Variants in CCDC170 observed in about 807,000 individuals in gnomAD.
The protein encoded by CCDC170 is coiled-coil domain containing 170, also known as coiled-coil domain-containing protein 170.
CCDC170 carries 69 observed loss-of-function variants against 72.6 expected under a neutral mutation model. The observed-to-expected ratio is 0.95, with a 90% CI of 0.78 to 1.16. The LOEUF (loss-of-function observed/expected upper bound fraction) is 1.16. Ranked by LOEUF, CCDC170 falls within the 50% of genes most tolerant of loss-of-function variation. CCDC170 has a pLI of 0.00. For synonymous variants in CCDC170, 300 were observed against 303.9 expected (o/e 0.99, Z 0.13); for missense variants, 852 against 832.5 (o/e 1.02, Z -0.29).
Position 151,619,212 on chromosome 6 carries a change from G to C in CCDC170, c.*1065G>C, listed in dbSNP as rs1203055087. ...TGGTAATTGTTAATGTTTCAGCAGG[G>C]CTGGTCTCAGTCCTTTAAAATGGAA... On this transcript the variant is annotated 3_prime_UTR_variant, in exon 11 of 11. Transcript: ENST00000239374. 1 of 152,028 alleles carries C rather than the reference G, an allele frequency of 6.6e-6. No homozygotes were observed. The highest frequency in any genetic ancestry group is 1.5e-5 in the Non-Finnish European group (1 of 68,002). The allele number at this position is 152,028 out of a possible 1,614,324, so 9.4% of individuals were successfully genotyped here.
chr6:151,531,252 G>C (rs919070695), intron 1 of CCDC170, among the ~76,000 whole-genome samples: 1 of 152,130 alleles, frequency 6.6e-6, no homozygotes, highest in Non-Finnish European at 1.5e-5. Flanking sequence ...GCTTAGAGCT[G>C]TACTTACACA....
At chr6:151,576,715 A>G (rs1226875816) in intron 6 of CCDC170, among the ~76,000 whole-genome samples, 1 of 152,156 alleles carries the variant, frequency 6.6e-6, no homozygotes, top group African/African-American at 2.4e-5. Context: ...TGTGTGACTC[A>G]TCTTCACGTA....
At chr6:151,607,105 A>G (rs548956499) in intron 9 of CCDC170, among the ~76,000 whole-genome samples, 2 of 152,268 alleles carry the variant, frequency 1.3e-5, no homozygotes, top group East Asian at 1.9e-4. Flanking sequence ...GTTATTACTG[A>G]TAAGTAAGAT....
At position 151,523,424 on chromosome 6, in the gene CCDC170, C is replaced by T. The variant is rs145201494; in HGVS notation, c.58-12894C>T. ...CTTGGCAGCCAGGCATGGTGGCTCA[C>T]GCCTGTAATCCCAGCATTTGGGAGG... On this transcript the variant is annotated intron_variant, in intron 1 of 10. Transcript: ENST00000239374. Among the ~76,000 whole-genome samples the T allele has an allele frequency of 2.7e-3, 415 of 152,214 alleles. 12 individuals carry two copies. The East Asian group carries it at 0.058, about 21-fold the overall frequency.
chr6:151,559,650 G>A (rs1783044460), intron 5 of CCDC170, among the ~76,000 whole-genome samples: 1 of 152,048 alleles, frequency 6.6e-6, no homozygotes, highest in Non-Finnish European at 1.5e-5. Flanking sequence ...TCTGCAAAGA[G>A]GGACAATTTA....
intron 1 of CCDC170, among the ~76,000 whole-genome samples, chr6:151,519,091 A>G (rs1782277009): frequency 6.6e-6 from 1 of 152,166 alleles, no homozygotes; most frequent in East Asian, 1.9e-4. Context: ...TCTGACCTCA[A>G]ATTCACCAGG....
At chr6:151,516,884 T>C (rs952390859) in intron 1 of CCDC170, among the ~76,000 whole-genome samples, 5 of 152,228 alleles carry the variant, frequency 3.3e-5, no homozygotes, top group African/African-American at 1.2e-4. Context: ...TTTTCCTTAC[T>C]GTGCACATGC....
chr6:151,498,412 A>G (rs1161277463), intron 1 of CCDC170, among the ~76,000 whole-genome samples: 2 of 152,236 alleles, frequency 1.3e-5, no homozygotes, highest in Non-Finnish European at 2.9e-5. Flanking sequence ...AAATACATAT[A>G]ACATAAAATT....
chr6:151,599,629 G>T (rs992044071), intron 9 of CCDC170, among the ~76,000 whole-genome samples: 2 of 152,116 alleles, frequency 1.3e-5, no homozygotes, highest in East Asian at 1.9e-4. Context: ...GGATAAAATT[G>T]TCAGGAACGA....
intron 5 of CCDC170, among the ~76,000 whole-genome samples, chr6:151,559,263 T>C (rs1783038629): frequency 6.6e-6 from 1 of 152,106 alleles, no homozygotes. Context: ...CCACCTGCCC[T>C]GACCTCCCAA....
At chr6:151,550,544 CCTGA>C (rs1335310226) in intron 5 of CCDC170, among the ~76,000 whole-genome samples, 1 of 152,208 alleles carries the variant, frequency 6.6e-6, no homozygotes, top group African/African-American at 2.4e-5. Context: ...GCTTTATTCT[CCTGA>C]CACATTAACT....
chr6:151,602,268 C>T (rs940611763), intron 9 of CCDC170, among the ~76,000 whole-genome samples: 8 of 151,994 alleles, frequency 5.3e-5, no homozygotes, highest in African/African-American at 7.2e-5. Context: ...TGTTTTTTCA[C>T]GAATTCCCCT....
intron 5 of CCDC170, among the ~76,000 whole-genome samples, chr6:151,553,480 TA>T (rs1782919062): frequency 2.0e-5 from 3 of 152,266 alleles, no homozygotes; most frequent in South Asian, 4.1e-4. Context: ...ATTTGAATAT[TA>T]GGGGGAGAGG....
At chr6:151,516,606 G>A (rs1186232568) in intron 1 of CCDC170, among the ~76,000 whole-genome samples, 7 of 152,088 alleles carry the variant, frequency 4.6e-5, no homozygotes, top group African/African-American at 1.7e-4. Flanking sequence ...GTGAGTTTAG[G>A]AGCAGAGGTT....
Position 151,494,037 on chromosome 6 carries a change from G to T in CCDC170, c.-92G>T, listed in dbSNP as rs1426210623. ...TCCCCGCGGTGTTTACCCGTTGCCC[G>T]AGGAGACACCCGCGCCACCCGCCGG... On this transcript the variant is annotated 5_prime_UTR_variant, in exon 1 of 11. Coordinates refer to ENST00000239374, the MANE Select transcript of CCDC170 (RefSeq NM_025059.4). 2.3e-6 allele frequency: 3 copies of T among 1,279,954 alleles called. No homozygotes were observed. The highest frequency in any genetic ancestry group is 3.4e-5 in the South Asian group (2 of 58,396). The allele number at this position is 1,279,954 out of a possible 1,614,324, so 79.3% of individuals were successfully genotyped here. A position where few individuals can be genotyped will look rare whatever the true frequency, so the allele number is the denominator to read the frequency against.
At chr6:151,565,482 T>A (rs1310322502) in intron 5 of CCDC170, among the ~76,000 whole-genome samples, 2 of 152,232 alleles carry the variant, frequency 1.3e-5, no homozygotes, top group African/African-American at 4.8e-5. Context: ...TCCCAGCCAG[T>A]CCTGGCCAAC....
intron 6 of CCDC170, 126 bp downstream of exon 6, chr6:151,573,617 A>G: frequency 1.1e-6 from 1 of 946,940 alleles, no homozygotes; most frequent in Non-Finnish European, 1.6e-6. Flanking sequence ...GGTAATTTAT[A>G]AAGACAAAGA....
At chr6:151,526,750 A>G (rs1782417094) in intron 1 of CCDC170, among the ~76,000 whole-genome samples, 1 of 152,076 alleles carries the variant, frequency 6.6e-6, no homozygotes, top group African/African-American at 2.4e-5. Context: ...TAGGTGAGGG[A>G]ATAACAGGAC....
At chr6:151,506,078 G>A (rs189976857) in intron 1 of CCDC170, among the ~76,000 whole-genome samples, 2 of 152,200 alleles carry the variant, frequency 1.3e-5, no homozygotes, top group Admixed American at 6.5e-5. Flanking sequence ...CTCCAGCCTG[G>A]GTGATGGAGT....
Sources: gnomAD v4.1 joint callset for allele counts (sites outside exome capture counted in the v4.1 genomes callset) on GRCh38, gnomAD v4.1.1 for gene constraint, MANE v1.5 for transcripts, NCBI Gene and HGNC (gene_info 2026-07-23, HGNC 2026-07-21) for gene names.